DOCK8: variants seen among roughly 807,000 people sequenced by gnomAD.
DOCK8 encodes the protein dedicator of cytokinesis protein 8.
A neutral mutation model predicts 245.6 loss-of-function variants in DOCK8; 141 were observed. The ratio of observed to expected loss-of-function variants is 0.57; its 90% CI spans 0.50 to 0.66. The LOEUF is 0.66. Among genes scored for constraint, DOCK8 ranks in the 30% least tolerant of loss-of-function variants. DOCK8 has a pLI of 0.00. For missense variants in DOCK8, 2,965 were observed against 2,603.4 expected, an observed-to-expected ratio of 1.14 and a Z score of -3.02; for synonymous variants, 1,168 against 970.2, an observed-to-expected ratio of 1.20 and a Z score of -3.79.
In DOCK8 at chr9:420,401, C is replaced by T; in HGVS notation, c.3841C>T (p.Pro1281Ser). The T allele has an allele frequency of 1.2e-6, 2 of 1,614,146 alleles. No individual in the cohort carries two copies. The highest frequency in any genetic ancestry group is 2.2e-5 in the South Asian group (2 of 91,082). Residue 1281 changes from proline to serine, a missense_variant and splice_region_variant, in exon 31 of 48, where the codon CCC becomes TCC. By Grantham distance (74) the Pro-to-Ser change is moderately conservative. Coordinates refer to ENST00000432829, the MANE Select transcript of DOCK8 (RefSeq NM_203447.4). ...CATCCCCCAATCTGCCTCCCTTCAG[C>T]CCTATAAGCAGTACAACATGCTGAA... ...KTSGIVLSSL[P>S]YKQYNMLNAD...
chr9:426,827 C>A, intron 33 of DOCK8, 58 bp from the exon 34 acceptor site: 2 of 1,401,818 alleles, frequency 1.4e-6, no homozygotes, highest in Non-Finnish European at 2.0e-6. Context: ...AGATTGCCAT[C>A]ATGGGAACCT....
intron 7 of DOCK8, among the ~76,000 whole-genome samples, chr9:319,509 A>C (rs973116708): frequency 6.6e-6 from 1 of 152,228 alleles, no homozygotes; most frequent in Non-Finnish European, 1.5e-5. Context: ...ACTTAGAGTA[A>C]ACTAGATGAA....
intron 18 of DOCK8, 98 bp downstream of exon 18, chr9:372,384 C>T (rs1586828453): frequency 2.1e-6 from 2 of 958,156 alleles, no homozygotes; most frequent in East Asian, 4.8e-5. Flanking sequence ...CATGGATGTT[C>T]ATCATGTTCT....
chr9:234,770 G>A (rs1445099056), intron 1 of DOCK8, among the ~76,000 whole-genome samples: 1 of 151,834 alleles, frequency 6.6e-6, no homozygotes, highest in Non-Finnish European at 1.5e-5. Flanking sequence ...GGACTTCTTT[G>A]CATTGGTTAT....
rs147287319 is a variant in DOCK8 at position 334,292 on chromosome 9, G to T, written c.1193G>T (p.Arg398Leu). ...ESFCQRLGKY[R>L]MPFAWAPISL... The stretch of plus-strand genomic sequence containing the variant: ...TTCTGCCAGCGTTTGGGGAAATACC[G>T]GATGCCCTTTGCCTGGGCACCCATA... Residue 398 changes from arginine to leucine, a missense_variant, in exon 11 of 48, where the codon CGG becomes CTG. Transcript: ENST00000432829. 1.2e-6 allele frequency: 2 copies of T among 1,614,132 alleles called. No homozygotes were observed. Among genetic ancestry groups the T allele is most frequent in the Middle Eastern group, 1.6e-4 (1 of 6,062 alleles).
chr9:385,538 C>T (rs2053916628), intron 22 of DOCK8, among the ~76,000 whole-genome samples: 1 of 152,214 alleles, frequency 6.6e-6, no homozygotes. Context: ...TTTACTGTGT[C>T]TGTGTGATGG....
chr9:400,394 C>G (rs1586912201), intron 26 of DOCK8, among the ~76,000 whole-genome samples: 1 of 88,572 alleles, frequency 1.1e-5, no homozygotes, highest in Non-Finnish European at 2.3e-5. Context: ...ACCATCACCA[C>G]CACCTCCACC....
At chr9:307,415 A>G (rs1323201445) in intron 5 of DOCK8, among the ~76,000 whole-genome samples, 7 of 133,446 alleles carry the variant, frequency 5.2e-5, no homozygotes, top group African/African-American at 1.7e-4. Context: ...CTGGAGTGCA[A>G]TGGCATGATC....
At chr9:245,409 T>C (rs1253230238) in intron 1 of DOCK8, among the ~76,000 whole-genome samples, 1 of 152,046 alleles carries the variant, frequency 6.6e-6, no homozygotes, top group Non-Finnish European at 1.5e-5. Flanking sequence ...TGTTTCACCA[T>C]GTTGGCCAGG....
intron 28 of DOCK8, among the ~76,000 whole-genome samples, chr9:410,460 G>C (rs1486027762): frequency 6.6e-6 from 1 of 151,704 alleles, no homozygotes; most frequent in Non-Finnish European, 1.5e-5. Context: ...ATTGACATTT[G>C]GGCTGCTTTC....
chr9:367,463 C>T (rs1007665743), intron 14 of DOCK8, among the ~76,000 whole-genome samples: 3 of 152,062 alleles, frequency 2.0e-5, no homozygotes, highest in African/African-American at 7.3e-5. Flanking sequence ...TAGTACCTGT[C>T]CTATAGTTGT....
intron 14 of DOCK8, among the ~76,000 whole-genome samples, chr9:355,539 C>T (rs1053686184): frequency 6.6e-6 from 1 of 151,908 alleles, no homozygotes; most frequent in South Asian, 2.1e-4. Context: ...CAATGCATCA[C>T]TCTCTAATAA....
In DOCK8 at chr9:337,669, A is replaced by G. The variant is rs151221642; in HGVS notation, c.1422+951A>G. Reference sequence around the variant, plus strand: ...TCAAGACTATTTAAAAAAATAAAAAACTTCCTAGACTTGTCAACGGTATAG... The same window carrying G: ...TCAAGACTATTTAAAAAAATAAAAAGCTTCCTAGACTTGTCAACGGTATAG... On this transcript the variant is annotated intron_variant, in intron 12 of 47. Transcript: ENST00000432829. 2.2e-4 allele frequency among the ~76,000 whole-genome samples: 34 copies of G among 152,022 alleles called. 2 individuals carry two copies. The East Asian group carries it at 5.4e-3, about 24-fold the overall frequency.
intron 9 of DOCK8, among the ~76,000 whole-genome samples, chr9:331,438 A>T (rs2051008499): frequency 6.6e-6 from 1 of 151,744 alleles, no homozygotes; most frequent in South Asian, 2.1e-4. Context: ...TTCCTTTGAA[A>T]CCCCATAAAT....
At chr9:407,410 AG>A (rs1271985599) in intron 28 of DOCK8, among the ~76,000 whole-genome samples, 1 of 152,270 alleles carries the variant, frequency 6.6e-6, no homozygotes, top group Admixed American at 6.5e-5. Context: ...CAAAGGGGAT[AG>A]CATGCAGAGG....
At position 400,271 on chromosome 9, in the gene DOCK8, TCACCACCACTTC is replaced by T. The variant is rs1564013116; in HGVS notation, c.3234+1014_3234+1025del. On this transcript the variant is annotated intron_variant, in intron 26 of 47. Coordinates refer to ENST00000432829, the MANE Select transcript of DOCK8 (RefSeq NM_203447.4). ...TCCACCATCACCACCACCTCCACCA[TCACCACCACTTC>T]CTTCACCACCACCACCATCTTCACC... is the stretch of plus-strand genomic sequence containing the variant. 3.3e-3 allele frequency among the ~76,000 whole-genome samples: 46 copies of T among 14,090 alleles called. 3 individuals carry two copies. The highest frequency in any genetic ancestry group is 0.021 in the African/African-American group (39 of 1,902). The allele number at this position is 14,090 out of a possible 152,430, so 9.2% of individuals were successfully genotyped here.
rs534592455 is a variant in DOCK8 at position 258,878 on chromosome 9, G to A, written c.54-12749G>A. Among the ~76,000 whole-genome samples, 5 of 152,102 alleles carry A rather than the reference G, an allele frequency of 3.3e-5. No individual in the cohort carries two copies. In the South Asian group the frequency reaches 8.3e-4, roughly 25 times the overall value. On this transcript the variant is annotated intron_variant, in intron 1 of 47. Coordinates refer to ENST00000432829, the MANE Select transcript of DOCK8 (RefSeq NM_203447.4). The stretch of plus-strand genomic sequence containing the variant: ...CTCCCAAAGTGTTGGGATTACGGGC[G>A]TGAGCCACCATATCTGGCCCTGAAG...
At chr9:398,454 G>A (rs2054567325) in intron 25 of DOCK8, among the ~76,000 whole-genome samples, 1 of 152,170 alleles carries the variant, frequency 6.6e-6, no homozygotes, top group African/African-American at 2.4e-5. Flanking sequence ...GTCATTCTGA[G>A]AATAAAGGAC....
chr9:420,305 A>T, intron 30 of DOCK8, 96 bp from the exon 31 acceptor site: 1 of 1,318,350 alleles, frequency 7.6e-7, no homozygotes, highest in Non-Finnish European at 1.1e-6. Flanking sequence ...TTAAGAGAAC[A>T]CTTTGAATTT....
Sources: gnomAD v4.1 joint callset for allele counts (sites outside exome capture counted in the v4.1 genomes callset) on GRCh38, gnomAD v4.1.1 for gene constraint, MANE v1.5 for transcripts, NCBI Gene and HGNC (gene_info 2026-07-23, HGNC 2026-07-21) for gene names.